Variants in BMP2K observed in about 807,000 individuals in gnomAD.
The protein encoded by BMP2K is BMP-2-inducible protein kinase.
In BMP2K, 74 loss-of-function variants were observed where a neutral mutation model predicts 116.0. That is an observed-to-expected ratio of 0.64 (90% CI 0.53 to 0.77). The LOEUF (loss-of-function observed/expected upper bound fraction) is 0.77, where lower values mean the gene tolerates loss of function less well. BMP2K is among the 30% of genes least tolerant of loss of function. The pLI is 0.00. For synonymous variants in BMP2K, 486 were observed against 502.5 expected (o/e 0.97, Z 0.44); for missense variants, 1,365 against 1,403.6 (o/e 0.97, Z 0.44).
intron 6 of BMP2K, among the ~76,000 whole-genome samples, chr4:78,850,245 T>C (rs758695686): frequency 6.6e-6 from 1 of 151,818 alleles, no homozygotes; most frequent in South Asian, 2.1e-4. Flanking sequence ...TTTTAGGGTG[T>C]TTTGCCCTCA....
chr4:78,887,600 T>C (rs1301237288), intron 15 of BMP2K, among the ~76,000 whole-genome samples: 4 of 152,236 alleles, frequency 2.6e-5, no homozygotes, highest in Non-Finnish European at 5.9e-5. Flanking sequence ...AAAAATTTGA[T>C]ATTTTCCTAG....
At position 78,776,602 on chromosome 4, in the gene BMP2K, G is replaced by C; in HGVS notation, c.59G>C (p.Gly20Ala). The change falls in exon 1 of 16, where the codon GGT (glycine) becomes GCT (alanine). Residue 20 changes from glycine to alanine, a missense_variant. By Grantham distance (60) the Gly-to-Ala change is moderately conservative. Around this residue, in one of 3 missense-constraint regions of BMP2K, gnomAD observed 762 missense variants for 756.7 expected, o/e 1.01. Coordinates refer to ENST00000502613, the MANE Select transcript of BMP2K (RefSeq NM_198892.2). The stretch of plus-strand genomic sequence containing the variant: ...GGCGGCAGCGGCGGCGGAGCGGCGG[G>C]TGGCGGGGCTGGCGGGGCCGGGGCC... ...SEGGSGGGAA[G>A]GGAGGAGAGA... 1.7e-6 allele frequency: 2 copies of C among 1,186,986 alleles called. No homozygotes were observed. The highest frequency in any genetic ancestry group is 2.1e-6 in the Non-Finnish European group (2 of 955,268). The allele number at this position is 1,186,986 out of a possible 1,614,324, so 73.5% of individuals were successfully genotyped here. A position where few individuals can be genotyped will look rare whatever the true frequency, so the allele number is the denominator to read the frequency against.
intron 9 of BMP2K, among the ~76,000 whole-genome samples, chr4:78,863,396 T>G (rs1329019792): frequency 6.6e-6 from 1 of 152,144 alleles, no homozygotes; most frequent in Admixed American, 6.6e-5. Context: ...TCAGCTGCCT[T>G]CAATCTGTGG....
rs937677567 is a variant in BMP2K at position 78,915,523 on chromosome 4, G to A, written c.*3490G>A. On this transcript the variant is annotated 3_prime_UTR_variant, in exon 16 of 16. Coordinates refer to ENST00000502613, the MANE Select transcript of BMP2K (RefSeq NM_198892.2). ...TTTAGGTCCAATTATTGAGTTGACA[G>A]TCTACTGTGAGAATGAGATGACATA... The A allele has an allele frequency of 6.6e-6, 1 of 151,780 alleles. No homozygotes were observed. Among genetic ancestry groups the A allele is most frequent in the Non-Finnish European group, 1.5e-5 (1 of 67,850 alleles). 9.4% of individuals were successfully genotyped at this position (151,780 alleles called of 1,614,324 possible). A position where few individuals can be genotyped will look rare whatever the true frequency, so the allele number is the denominator to read the frequency against.
At chr4:78,833,138 A>C (rs1730287983) in intron 2 of BMP2K, among the ~76,000 whole-genome samples, 2 of 152,038 alleles carry the variant, frequency 1.3e-5, no homozygotes, top group Admixed American at 1.3e-4. Context: ...TTTAGTTAGA[A>C]GTGCATGTGT....
At chr4:78,845,385 TAAG>T (rs1418680961) in intron 5 of BMP2K, among the ~76,000 whole-genome samples, 2 of 151,698 alleles carry the variant, frequency 1.3e-5, no homozygotes, top group East Asian at 3.8e-4. Flanking sequence ...TTGTCCTTGT[TAAG>T]AAAAAGTTAA....
intron 1 of BMP2K, among the ~76,000 whole-genome samples, chr4:78,804,529 G>T (rs1379688356): frequency 6.6e-6 from 1 of 152,062 alleles, no homozygotes; most frequent in Non-Finnish European, 1.5e-5. Flanking sequence ...CATAATGGTT[G>T]CACAATTTTA....
At chr4:78,879,025 C>T in intron 14 of BMP2K, 134 bp downstream of exon 14, 3 of 1,472,470 alleles carry the variant, frequency 2.0e-6, no homozygotes, top group Non-Finnish European at 2.7e-6. Flanking sequence ...TTCAGGCCAT[C>T]TTCTTATACA....
intron 15 of BMP2K, among the ~76,000 whole-genome samples, chr4:78,894,221 T>A (rs1178986391): frequency 6.6e-6 from 1 of 152,208 alleles, no homozygotes; most frequent in Non-Finnish European, 1.5e-5. Flanking sequence ...ACCAATTGCA[T>A]TAGCTCCTAA....
chr4:78,793,191 C>T (rs1728089445), intron 1 of BMP2K, among the ~76,000 whole-genome samples: 1 of 151,916 alleles, frequency 6.6e-6, no homozygotes, highest in African/African-American at 2.4e-5. Context: ...GCGGGCGGAT[C>T]ACGAGGTCAG....
rs749741547 is a variant in BMP2K, at chr4:78,865,701, C to A, written c.1212C>A (p.Phe404Leu). The A allele has an allele frequency of 1.2e-6, 2 of 1,613,914 alleles. No individual in the cohort carries two copies. The highest frequency in any genetic ancestry group is 1.3e-5 in the African/African-American group (1 of 74,912). The change falls in exon 10 of 16, where the codon TTC becomes TTA. Residue 404 changes from phenylalanine to leucine, a missense_variant. Phe to Leu is a conservative substitution (Grantham distance 22). This residue lies in a region of BMP2K where 762 missense variants were observed against 756.7 expected (regional missense o/e 1.01). Coordinates refer to ENST00000502613, the MANE Select transcript of BMP2K (RefSeq NM_198892.2). ...TTAAAGTCCTTGCTCCTGGTGAATT[C>A]GGTAACCATAGACCAAAAGGTAATA... ...TPVKVLAPGEFGNHRPKGALR... is the reference protein window; with the variant it reads ...TPVKVLAPGELGNHRPKGALR...
intron 2 of BMP2K, among the ~76,000 whole-genome samples, chr4:78,829,787 T>TTTCTTTTCTTTTCTTTTCTCTCTTCTC (rs71216237): frequency 9.6e-4 from 83 of 86,650 alleles, no homozygotes; most frequent in Middle Eastern, 5.3e-3. Flanking sequence ...TTTCTTTTCT[T>TTTCTTTTCTTTTCTTTTCTCTCTTCTC]TTCTCTTCTC....
intron 1 of BMP2K, among the ~76,000 whole-genome samples, chr4:78,806,423 C>T (rs868176829): frequency 1.4e-4 from 22 of 152,172 alleles, no homozygotes; most frequent in African/African-American, 5.1e-4. Flanking sequence ...AGCAGTCCTC[C>T]TGCCTTGGCC....
At chr4:78,809,737 TG>T (rs1305560768) in intron 1 of BMP2K, among the ~76,000 whole-genome samples, 3 of 152,028 alleles carry the variant, frequency 2.0e-5, no homozygotes, top group African/African-American at 7.2e-5. Flanking sequence ...ATTCTCTACT[TG>T]GTGAGCCATC....
At chr4:78,872,151 C>T (rs1229837460) in intron 12 of BMP2K, among the ~76,000 whole-genome samples, 1 of 152,094 alleles carries the variant, frequency 6.6e-6, no homozygotes, top group Non-Finnish European at 1.5e-5. Context: ...TAGTAATTGA[C>T]CGATAACGTA....
At chr4:78,831,889 C>G (rs1052842251) in intron 2 of BMP2K, among the ~76,000 whole-genome samples, 1 of 151,920 alleles carries the variant, frequency 6.6e-6, no homozygotes, top group Non-Finnish European at 1.5e-5. Flanking sequence ...TTCTCCCCTC[C>G]TCTTCATCCT....
chr4:78,859,549 A>G, intron 7 of BMP2K, 35 bp from the exon 8 acceptor site: 2 of 1,461,916 alleles, frequency 1.4e-6, no homozygotes, highest in Non-Finnish European at 1.9e-6. Flanking sequence ...TGTGTGTTTC[A>G]TAAAACTTCT....
At chr4:78,900,403 C>A (rs1414533420) in intron 15 of BMP2K, among the ~76,000 whole-genome samples, 2 of 151,936 alleles carry the variant, frequency 1.3e-5, no homozygotes, top group Non-Finnish European at 2.9e-5. Context: ...CAAGGCTCAA[C>A]TGTATATAGA....
chr4:78,790,209 T>C (rs1727931291), intron 1 of BMP2K, among the ~76,000 whole-genome samples: 1 of 152,186 alleles, frequency 6.6e-6, no homozygotes, highest in Admixed American at 6.5e-5. Flanking sequence ...AAAGTTGAAA[T>C]AGAATGGTGC....
Sources: gnomAD v4.1 joint callset for allele counts (sites outside exome capture counted in the v4.1 genomes callset) on GRCh38, gnomAD v4.1.1 for gene constraint, gnomAD v4.1.1 regional missense constraint, MANE v1.5 for transcripts, NCBI Gene and HGNC (gene_info 2026-07-23, HGNC 2026-07-21) for gene names.